BBS9: variants seen among roughly 807,000 people sequenced by gnomAD.
BBS9 encodes the protein Bardet-Biedl syndrome 9.
BBS9 carries 89 observed loss-of-function variants against 117.7 expected under a neutral mutation model. The observed-to-expected ratio is 0.76, with a 90% confidence interval of 0.64 to 0.90. The LOEUF (loss-of-function observed/expected upper bound fraction) is 0.90. Ranked by LOEUF, BBS9 falls within the 40% of genes least tolerant of loss-of-function variation. The pLI is 0.00. For synonymous variants in BBS9, 379 were observed against 370.9 expected (o/e 1.02, Z -0.25); for missense variants, 982 against 1,042.2 (o/e 0.94, Z 0.80).
chr7:33,306,950 A>G (rs984196207), intron 9 of BBS9, among the ~76,000 whole-genome samples: 5 of 151,576 alleles, frequency 3.3e-5, no homozygotes, highest in Non-Finnish European at 7.4e-5. Context: ...CTCTTGAATG[A>G]AATAAGGATA....
At chr7:33,410,822 A>G (rs1436899872) in intron 19 of BBS9, among the ~76,000 whole-genome samples, 1 of 152,088 alleles carries the variant, frequency 6.6e-6, no homozygotes, top group Non-Finnish European at 1.5e-5. Flanking sequence ...CCCAACATAG[A>G]CCTGCCTCCT....
intron 7 of BBS9, among the ~76,000 whole-genome samples, chr7:33,271,257 C>T (rs976941365): frequency 2.0e-5 from 3 of 152,110 alleles, no homozygotes; most frequent in African/African-American, 7.2e-5. Context: ...ATACAAAAAA[C>T]ACTTAAATAC....
chr7:33,554,193 G>T (rs1854915655), intron 21 of BBS9, among the ~76,000 whole-genome samples: 1 of 152,102 alleles, frequency 6.6e-6, no homozygotes, highest in Non-Finnish European at 1.5e-5. Flanking sequence ...TCATGGTAAG[G>T]AATTTAGATG....
chr7:33,588,831 T>C (rs974212881), intron 21 of BBS9, among the ~76,000 whole-genome samples: 4 of 152,030 alleles, frequency 2.6e-5, no homozygotes, highest in Non-Finnish European at 5.9e-5. Flanking sequence ...GTCAGCACCA[T>C]CCCTAAAGTG....
intron 9 of BBS9, among the ~76,000 whole-genome samples, chr7:33,292,608 C>G (rs1804297361): frequency 6.6e-6 from 1 of 152,120 alleles, no homozygotes; most frequent in African/African-American, 2.4e-5. Flanking sequence ...CATGAAGAGT[C>G]TTAGATCCAT....
chr7:33,265,343 TAGTAAAA>T (rs1235612369), intron 7 of BBS9, among the ~76,000 whole-genome samples: 1 of 151,942 alleles, frequency 6.6e-6, no homozygotes, highest in Non-Finnish European at 1.5e-5. Context: ...TTTTCATTGG[TAGTAAAA>T]AGTAAAAGAG....
chr7:33,503,577 T>A (rs1423528546), intron 19 of BBS9, among the ~76,000 whole-genome samples: 1 of 152,194 alleles, frequency 6.6e-6, no homozygotes, highest in African/African-American at 2.4e-5. Context: ...GGAGATTAGA[T>A]CTGTCACCAT....
chr7:33,306,449 G>A (rs1048705671), intron 9 of BBS9, among the ~76,000 whole-genome samples: 1 of 151,964 alleles, frequency 6.6e-6, no homozygotes, highest in Admixed American at 6.5e-5. Context: ...TGTAGAAAAC[G>A]GAAAATATGA....
intron 15 of BBS9, among the ~76,000 whole-genome samples, chr7:33,356,602 G>GA (rs1354041322): frequency 6.6e-6 from 1 of 151,804 alleles, no homozygotes; most frequent in Non-Finnish European, 1.5e-5. Flanking sequence ...CACATGCTCT[G>GA]AAAAAGTATT....
Position 33,177,546 on chromosome 7 carries a change from A to C in BBS9, c.397A>C (p.Arg133=), listed in dbSNP as rs759120113. 3.1e-6 allele frequency: 5 copies of C among 1,613,750 alleles called. No homozygotes were observed. The African/African-American group carries it at 4.0e-5, about 13-fold the overall frequency. ...ATTGATGTATGAACATAATCTTCAG[A>C]GAACAGCCTGCAATATGACCTATGG... is the stretch of plus-strand genomic sequence containing the variant. ...MKLMYEHNLQ[R]TACNMTYGSF... The change falls in exon 5 of 23, where the codon AGA becomes CGA. Residue 133 remains arginine (R), a synonymous_variant. Coordinates refer to ENST00000242067, the MANE Select transcript of BBS9 (RefSeq NM_198428.3).
At chr7:33,415,897 C>A (rs1436788691) in intron 19 of BBS9, among the ~76,000 whole-genome samples, 1 of 152,092 alleles carries the variant, frequency 6.6e-6, no homozygotes, top group Non-Finnish European at 1.5e-5. Context: ...TATAGTGATG[C>A]AATCTTGGCT....
intron 19 of BBS9, among the ~76,000 whole-genome samples, chr7:33,396,949 TA>T (rs1828072596): frequency 1.3e-5 from 2 of 152,122 alleles, no homozygotes; most frequent in African/African-American, 4.8e-5. Context: ...TAGCTAGCCA[TA>T]TGCAAAAATT....
At chr7:33,547,746 A>G (rs1853647922) in intron 21 of BBS9, among the ~76,000 whole-genome samples, 1 of 152,178 alleles carries the variant, frequency 6.6e-6, no homozygotes, top group Non-Finnish European at 1.5e-5. Flanking sequence ...ATAGCTTTTC[A>G]CTTTCATAGT....
chr7:33,228,543 A>G (rs1299892754), intron 5 of BBS9, among the ~76,000 whole-genome samples: 1 of 152,144 alleles, frequency 6.6e-6, no homozygotes, highest in African/African-American at 2.4e-5. Context: ...TAAGTCAAAT[A>G]TCCACGTATA....
intron 21 of BBS9, among the ~76,000 whole-genome samples, chr7:33,558,091 G>A: frequency 6.6e-6 from 1 of 152,034 alleles, no homozygotes; most frequent in Non-Finnish European, 1.5e-5. Flanking sequence ...ATTATCTCTT[G>A]GAATCAAAAA....
At chr7:33,537,258 G>A (rs1411972662) in intron 21 of BBS9, among the ~76,000 whole-genome samples, 1 of 152,128 alleles carries the variant, frequency 6.6e-6, no homozygotes, top group Non-Finnish European at 1.5e-5. Flanking sequence ...GACTTTATGA[G>A]CCCAGCACCT....
intron 19 of BBS9, among the ~76,000 whole-genome samples, chr7:33,408,284 G>A (rs747130561): frequency 9.9e-5 from 15 of 152,042 alleles, no homozygotes; most frequent in Admixed American, 2.6e-4. Context: ...TCCTAAGCCC[G>A]TCGGAAAAGT....
Position 33,144,753 on chromosome 7 carries a change from G to T in BBS9, c.-11-1489G>T, listed in dbSNP as rs559350734. 5.3e-5 allele frequency among the ~76,000 whole-genome samples: 8 copies of T among 152,306 alleles called. 1 individual carries two copies. In the South Asian group the frequency reaches 1.7e-3, roughly 32 times the overall value. ...GATGGTCCCTGACTTACCATGGTTT[G>T]ACTTATGATTTTTCAACTTTAGGAT... On this transcript the variant is annotated intron_variant, in intron 1 of 22. Transcript: ENST00000242067.
At chr7:33,396,585 G>A (rs1392219379) in intron 19 of BBS9, among the ~76,000 whole-genome samples, 2 of 152,090 alleles carry the variant, frequency 1.3e-5, no homozygotes, top group Admixed American at 6.6e-5. Flanking sequence ...ATTGCCCAAG[G>A]TAATTTATAG....
Sources: allele counts gnomAD v4.1 joint callset (sites outside exome capture counted in the v4.1 genomes callset), GRCh38; gene constraint gnomAD v4.1.1; transcripts MANE v1.5; gene names NCBI Gene and HGNC (gene_info 2026-07-23, HGNC 2026-07-21).